BOC: variants seen among roughly 807,000 people sequenced by gnomAD.
BOC encodes the protein brother of CDO.
BOC carries 76 observed loss-of-function variants against 112.0 expected under a neutral mutation model. The ratio of observed to expected loss-of-function variants is 0.68; its 90% CI spans 0.56 to 0.82. The LOEUF (loss-of-function observed/expected upper bound fraction) is 0.82, where lower values mean the gene tolerates loss of function less well. Ranked by LOEUF, BOC falls within the 40% of genes least tolerant of loss-of-function variation. BOC has a pLI of 0.00. For synonymous variants in BOC, 580 were observed against 599.8 expected (o/e 0.97, Z 0.48); for missense variants, 1,309 against 1,511.7 (o/e 0.87, Z 2.22).
chr3:113,278,728 C>G lies in BOC; in HGVS notation c.1761C>G (p.Asp587Glu). ...GCAAAGAGCAGCAGATCCAGAGAGA[C>G]GACCCTGGAGCCAGTCCCCAGAGCA... ...MASKEQQIQR[D>E]DPGASPQSSS... The change falls in exon 11 of 20, where the codon GAC becomes GAG. Residue 587 changes from aspartate (D) to glutamate (E), a missense_variant. Coordinates refer to ENST00000682979, the MANE Select transcript of BOC (RefSeq NM_001378074.1). This position sits in a 1 kb window ranked among gnomAD's most constrained non-coding sequence, Gnocchi z 4.2. 1.3e-6 allele frequency: 2 copies of G among 1,568,116 alleles called. No homozygotes were observed. The highest frequency in any genetic ancestry group is 1.7e-6 in the Non-Finnish European group (2 of 1,156,368).
In BOC at chr3:113,237,358, C is replaced by T. The variant is rs117951592; in HGVS notation, c.-81-12364C>T. Among the ~76,000 whole-genome samples, 13 of 152,260 alleles carry T rather than the reference C, an allele frequency of 8.5e-5. No homozygotes were observed. In the South Asian group the frequency reaches 1.2e-3, roughly 15 times the overall value. ...TTGATCTTCTTAGGCCTGAACCTGT[C>T]GTCTTTCTCACTCCATACTTTCTTA... On this transcript the variant is annotated intron_variant, in intron 2 of 19. Coordinates refer to ENST00000682979, the MANE Select transcript of BOC (RefSeq NM_001378074.1).
rs140536474 is a variant in BOC at position 113,279,407 on chromosome 3, G to A, written c.1975G>A (p.Ala659Thr). 9.0e-5 allele frequency: 145 copies of A among 1,614,170 alleles called. No individual in the cohort carries two copies. Among genetic ancestry groups the A allele is most frequent in the Non-Finnish European group, 1.2e-4 (140 of 1,180,012 alleles). ...GGGAGACTGGATTCTGGCCACCAGC[G>A]CCATCCCCCCATCGCGGCTGTCCGT... is the stretch of plus-strand genomic sequence containing the variant. ...KVGDWILATS[A>T]IPPSRLSVEI... Residue 659 changes from alanine (A) to threonine (T), a missense_variant, in exon 12 of 20, where the codon GCC (alanine) becomes ACC (threonine). Coordinates refer to ENST00000682979, the MANE Select transcript of BOC (RefSeq NM_001378074.1).
At chr3:113,284,741 C>A in intron 17 of BOC, 41 bp from the exon 18 acceptor site, 1 of 1,589,290 alleles carries the variant, frequency 6.3e-7, no homozygotes, top group Non-Finnish European at 8.6e-7. Flanking sequence ...GTTACCTGGA[C>A]TCCCCGGCGT....
intron 15 of BOC, among the ~76,000 whole-genome samples, chr3:113,281,864 T>A (rs750307973): frequency 6.6e-6 from 1 of 152,198 alleles, no homozygotes; most frequent in African/African-American, 2.4e-5. Context: ...GTTCAGCAGA[T>A]CCTCCCTGAG....
At chr3:113,267,202 T>C (rs1452668632) in intron 4 of BOC, among the ~76,000 whole-genome samples, 1 of 152,190 alleles carries the variant, frequency 6.6e-6, no homozygotes, top group Non-Finnish European at 1.5e-5. Context: ...GTTTTATTTC[T>C]CCTCTTAAAT....
chr3:113,270,113 C>T (rs1202960531), intron 5 of BOC: 1 of 152,310 alleles, frequency 6.6e-6, no homozygotes, highest in Non-Finnish European at 1.5e-5. Flanking sequence ...CAGTGGCATT[C>T]ATGGGGAGGA....
intron 1 of BOC, among the ~76,000 whole-genome samples, chr3:113,214,635 C>T (rs547452927): frequency 6.6e-6 from 1 of 152,350 alleles, no homozygotes; most frequent in East Asian, 1.9e-4. Context: ...AAGTTGCTTT[C>T]TTTCCTCCAA....
intron 6 of BOC, 125 bp from the exon 7 acceptor site, chr3:113,272,285 A>T: frequency 9.5e-7 from 1 of 1,050,484 alleles, no homozygotes; most frequent in Non-Finnish European, 1.4e-6. Flanking sequence ...CACTCTACAT[A>T]GGTTGAAAGA....
chr3:113,228,048 G>A (rs916180379), intron 2 of BOC, among the ~76,000 whole-genome samples: 1 of 152,150 alleles, frequency 6.6e-6, no homozygotes, highest in Non-Finnish European at 1.5e-5. Context: ...GGTTTGATTT[G>A]CGATTGTTCC....
chr3:113,216,439 C>T (rs961689303), intron 2 of BOC, 165 bp downstream of exon 2: 1 of 352,004 alleles, frequency 2.8e-6, no homozygotes, highest in South Asian at 2.2e-5. Flanking sequence ...TAGCTCGGTT[C>T]ATATGCTCTT....
At chr3:113,280,793 G>A (rs545589330) in intron 14 of BOC, 130 bp downstream of exon 14, 83 of 884,978 alleles carry the variant, frequency 9.4e-5, no homozygotes, top group African/African-American at 5.8e-4. Context: ...TCTAAGCTCC[G>A]TGTCATTGAC....
chr3:113,280,934 C>A, intron 14 of BOC, 97 bp from the exon 15 acceptor site: 1 of 1,514,096 alleles, frequency 6.6e-7, no homozygotes, highest in Non-Finnish European at 9.0e-7. Context: ...GTGGCATCCT[C>A]CCCCACACAC....
At position 113,271,465 on chromosome 3, in the gene BOC, C is replaced by T. The variant is rs145352096; in HGVS notation, c.667+521C>T. The T allele has an allele frequency of 8.9e-5, 28 of 316,054 alleles. No individual in the cohort carries two copies. In the East Asian group the frequency reaches 2.2e-3, roughly 25 times the overall value. The allele number at this position is 316,054 out of a possible 1,614,324, so 19.6% of individuals were successfully genotyped here. Reference sequence around the variant, plus strand: ...GGAAAACAGCAGCTACCTTTCTGTGCGCTTGCCTGGATCCCTGCCAATTCA... The same window carrying T: ...GGAAAACAGCAGCTACCTTTCTGTGTGCTTGCCTGGATCCCTGCCAATTCA... On this transcript the variant is annotated intron_variant, in intron 6 of 19. Coordinates refer to ENST00000682979, the MANE Select transcript of BOC (RefSeq NM_001378074.1).
intron 4 of BOC, among the ~76,000 whole-genome samples, chr3:113,254,152 G>A (rs539535024): frequency 1.3e-5 from 2 of 152,342 alleles, no homozygotes; most frequent in Admixed American, 6.5e-5. Flanking sequence ...AAAGGGAAGT[G>A]TTTGGTTGCA....
chr3:113,284,219 T>C, intron 16 of BOC, 116 bp from the exon 17 acceptor site: 1 of 829,706 alleles, frequency 1.2e-6, no homozygotes, highest in Non-Finnish European at 2.0e-6. Flanking sequence ...GTCAACTCCC[T>C]GCCTACGTCC....
At chr3:113,259,855 G>A (rs1433432062) in intron 4 of BOC, among the ~76,000 whole-genome samples, 5 of 152,114 alleles carry the variant, frequency 3.3e-5, no homozygotes, top group Admixed American at 6.6e-5. Flanking sequence ...ACTTTCCATC[G>A]CGCACTTTCT....
chr3:113,246,852 A>G (rs1014928492), intron 2 of BOC, among the ~76,000 whole-genome samples: 2 of 151,854 alleles, frequency 1.3e-5, no homozygotes, highest in African/African-American at 4.8e-5. Context: ...TCTCACTCCC[A>G]ATTCTTTTCT....
chr3:113,263,372 A>T (rs780727563), intron 4 of BOC, among the ~76,000 whole-genome samples: 1 of 152,212 alleles, frequency 6.6e-6, no homozygotes, highest in Non-Finnish European at 1.5e-5. Context: ...CAGGGGTAAA[A>T]GGCCAAAGTT....
rs554173479 is a variant in BOC at position 113,224,696 on chromosome 3, A to G, written c.-82+8422A>G. ...TTAAACCTGCTGGGCACAGTGGCTC[A>G]TGCCTGTAATCTCAGCACTTTAGAG... is the stretch of plus-strand genomic sequence containing the variant. On this transcript the variant is annotated intron_variant, in intron 2 of 19. Transcript: ENST00000682979. Among the ~76,000 whole-genome samples the G allele has an allele frequency of 4.6e-5, 7 of 152,282 alleles. No homozygotes were observed. In the South Asian group the frequency reaches 1.5e-3, roughly 32 times the overall value.
Sources: allele counts gnomAD v4.1 joint callset (sites outside exome capture counted in the v4.1 genomes callset), GRCh38; gene constraint gnomAD v4.1.1; non-coding constraint Gnocchi (gnomAD v3.1); transcripts MANE v1.5; gene names NCBI Gene and HGNC (gene_info 2026-07-23, HGNC 2026-07-21).